ADAMTS18: variants seen among roughly 807,000 people sequenced by gnomAD.
ADAMTS18 encodes the protein A disintegrin and metalloproteinase with thrombospondin motifs 18.
A neutral mutation model predicts 165.9 loss-of-function variants in ADAMTS18; 157 were observed. That is an observed-to-expected ratio of 0.95 (90% CI 0.83 to 1.08). The LOEUF (loss-of-function observed/expected upper bound fraction) is 1.08. Among genes scored for constraint, ADAMTS18 ranks in the 50% least tolerant of loss-of-function variants. The probability of loss-of-function intolerance (pLI) is 0.00; values close to 1 mark genes in which losing one functional copy is unlikely to be tolerated. For missense variants in ADAMTS18, 2,040 were observed against 1,534.0 expected, an observed-to-expected ratio of 1.33 and a Z score of -5.51; for synonymous variants, 782 against 578.2, an observed-to-expected ratio of 1.35 and a Z score of -5.06.
At chr16:77,404,185 A>G (rs961028078) in intron 3 of ADAMTS18, among the ~76,000 whole-genome samples, 1 of 152,152 alleles carries the variant, frequency 6.6e-6, no homozygotes, top group African/African-American at 2.4e-5. Context: ...GAGGAGCAAA[A>G]AAACGTGAAT....
In ADAMTS18 at chr16:77,334,595, A is replaced by ATATATATACTACTATAGTATATAG. The variant is rs1293176421; in HGVS notation, c.1859+1137_1859+1160dup. On this transcript the variant is annotated intron_variant, in intron 12 of 22. Coordinates refer to ENST00000282849, the MANE Select transcript of ADAMTS18 (RefSeq NM_199355.4). ...TATAGTATATATTATAGTATATAGT[A>ATATATATACTACTATAGTATATAG]TATATATACTACTATAGTATATAGT... Among the ~76,000 whole-genome samples, 213 of 111,820 alleles carry ATATATATACTACTATAGTATATAG rather than the reference A, an allele frequency of 1.9e-3. 3 individuals are homozygous for ATATATATACTACTATAGTATATAG. The highest frequency in any genetic ancestry group is 7.5e-3 in the African/African-American group (203 of 27,240). 73.4% of individuals were successfully genotyped at this position (111,820 alleles called of 152,430 possible).
chr16:77,429,278 T>A (rs1173182037), intron 3 of ADAMTS18, among the ~76,000 whole-genome samples: 3 of 152,156 alleles, frequency 2.0e-5, no homozygotes, highest in Non-Finnish European at 4.4e-5. Context: ...AGATCAGGTC[T>A]TTTGCAGGAA....
At chr16:77,338,020 C>T (rs1243251751) in intron 11 of ADAMTS18, among the ~76,000 whole-genome samples, 1 of 151,654 alleles carries the variant, frequency 6.6e-6, no homozygotes, top group East Asian at 1.9e-4. Context: ...TCTCCTGCCT[C>T]AGCCTTCCAA....
chr16:77,382,679 T>C (rs1455392153), intron 3 of ADAMTS18, among the ~76,000 whole-genome samples: 1 of 152,250 alleles, frequency 6.6e-6, no homozygotes, highest in East Asian at 1.9e-4. Flanking sequence ...CAAAGGAAGC[T>C]TAAGGTTATC....
chr16:77,350,453 G>A (rs989120610), intron 10 of ADAMTS18, among the ~76,000 whole-genome samples: 4 of 152,102 alleles, frequency 2.6e-5, no homozygotes, highest in Non-Finnish European at 4.4e-5. Context: ...CAAGTGATGC[G>A]ACTGTACCAA....
intron 3 of ADAMTS18, among the ~76,000 whole-genome samples, chr16:77,386,293 A>G (rs966123558): frequency 4.6e-5 from 7 of 152,192 alleles, no homozygotes; most frequent in Admixed American, 3.9e-4. Flanking sequence ...GCAAATACCT[A>G]TACCCAACTT....
At chr16:77,420,619 G>A (rs768000948) in intron 3 of ADAMTS18, among the ~76,000 whole-genome samples, 15 of 152,082 alleles carry the variant, frequency 9.9e-5, no homozygotes, top group Admixed American at 3.9e-4. Context: ...TTACAAGGAC[G>A]GAATTCATCC....
At chr16:77,331,310 T>A (rs944695352) in intron 12 of ADAMTS18, among the ~76,000 whole-genome samples, 2 of 152,282 alleles carry the variant, frequency 1.3e-5, no homozygotes, top group East Asian at 1.9e-4. Flanking sequence ...TGGGAAAATA[T>A]TGAGATTGTA....
Position 77,401,589 on chromosome 16 carries a change from G to A in ADAMTS18, c.495+29706C>T, listed in dbSNP as rs1301523705. Among the ~76,000 whole-genome samples the A allele has an allele frequency of 2.6e-5, 4 of 152,338 alleles. No individual in the cohort carries two copies. In the East Asian group the frequency reaches 7.7e-4, roughly 29 times the overall value. ...ACACTAGAATTGACAAGTTCTGTGTGAAGATGAACTTTATGTATCAAATTG... is the reference window on the plus strand; with the variant it reads ...ACACTAGAATTGACAAGTTCTGTGTAAAGATGAACTTTATGTATCAAATTG... On this transcript the variant is annotated intron_variant, in intron 3 of 22. Coordinates refer to ENST00000282849, the MANE Select transcript of ADAMTS18 (RefSeq NM_199355.4).
intron 16 of ADAMTS18, among the ~76,000 whole-genome samples, chr16:77,315,841 T>C (rs1390624049): frequency 6.6e-6 from 1 of 152,214 alleles, no homozygotes; most frequent in Non-Finnish European, 1.5e-5. Context: ...CAAGGCTTTT[T>C]TCATGCATTT....
At chr16:77,380,436 G>A (rs1285291562) in intron 3 of ADAMTS18, among the ~76,000 whole-genome samples, 1 of 152,180 alleles carries the variant, frequency 6.6e-6, no homozygotes, top group African/African-American at 2.4e-5. Context: ...CGTCATGGCT[G>A]TATTCAAAAC....
At chr16:77,312,191 C>G (rs11640996) in intron 16 of ADAMTS18, among the ~76,000 whole-genome samples, 35,490 of 151,836 alleles carry the variant, frequency 0.23, 4,845 homozygotes, top group East Asian at 0.62. Flanking sequence ...AGAACTCTAT[C>G]ACCAGTGGAG....
At chr16:77,407,952 A>G (rs980894886) in intron 3 of ADAMTS18, among the ~76,000 whole-genome samples, 5 of 152,154 alleles carry the variant, frequency 3.3e-5, no homozygotes, top group African/African-American at 1.2e-4. Flanking sequence ...TCATTATTAA[A>G]AAGCCATTAA....
At chr16:77,321,334 C>T in intron 14 of ADAMTS18, 132 bp from the exon 15 acceptor site, 1 of 1,253,522 alleles carries the variant, frequency 8.0e-7, no homozygotes, top group South Asian at 1.3e-5. Flanking sequence ...TTAAAAATCA[C>T]AGCCTCAAGT....
chr16:77,405,429 T>G (rs914515056), intron 3 of ADAMTS18, among the ~76,000 whole-genome samples: 3 of 152,208 alleles, frequency 2.0e-5, no homozygotes, highest in Non-Finnish European at 4.4e-5. Flanking sequence ...GCAGATGGCC[T>G]GTAGTCAAGT....
intron 10 of ADAMTS18, 104 bp downstream of exon 10, chr16:77,353,629 G>A: frequency 6.6e-7 from 1 of 1,508,600 alleles, no homozygotes; most frequent in Non-Finnish European, 9.2e-7. Context: ...AGATAACCCA[G>A]AACCTAACCC....
At chr16:77,400,129 A>G (rs558498432) in intron 3 of ADAMTS18, among the ~76,000 whole-genome samples, 3 of 152,036 alleles carry the variant, frequency 2.0e-5, no homozygotes, top group Admixed American at 6.6e-5. Context: ...CTACCCCCCA[A>G]TTTGGGGTCT....
At chr16:77,313,539 G>A (rs566825442) in intron 16 of ADAMTS18, among the ~76,000 whole-genome samples, 1 of 151,692 alleles carries the variant, frequency 6.6e-6, no homozygotes, top group East Asian at 1.9e-4. Flanking sequence ...TGCTGGAATG[G>A]TTCTGTGTTT....
chr16:77,403,414 T>C (rs953475884), intron 3 of ADAMTS18, among the ~76,000 whole-genome samples: 1 of 152,200 alleles, frequency 6.6e-6, no homozygotes, highest in Non-Finnish European at 1.5e-5. Flanking sequence ...AGAGCCAGTA[T>C]TTGAACTCAA....
Sources: gnomAD v4.1 joint callset for allele counts (sites outside exome capture counted in the v4.1 genomes callset) on GRCh38, gnomAD v4.1.1 for gene constraint, MANE v1.5 for transcripts, NCBI Gene and HGNC (gene_info 2026-07-23, HGNC 2026-07-21) for gene names.